The following DDX1 variants were observed in gnomAD, a reference collection of about 807,000 sequenced individuals.
The protein encoded by DDX1 is DEAD-box helicase 1.
A neutral mutation model predicts 108.7 loss-of-function variants in DDX1; 28 were observed. The ratio of observed to expected loss-of-function variants is 0.26; its 90% CI spans 0.19 to 0.35. DDX1 has a LOEUF of 0.35. Ranked by LOEUF, DDX1 falls within the 10% of genes least tolerant of loss-of-function variation. The pLI is 1.00. For missense variants in DDX1, 710 were observed against 884.5 expected (o/e 0.80, Z 2.50); for synonymous variants, 295 against 288.9 (o/e 1.02, Z -0.21).
In DDX1 at chr2:15,596,775, A is replaced by G. The variant is rs760184637; in HGVS notation, c.162+12A>G. On this transcript the variant is annotated intron_variant, in intron 4 of 25. Coordinates refer to ENST00000233084, the MANE Select transcript of DDX1 (RefSeq NM_004939.3). ...GTGGCAAAACTGGTGTAAGTAATAA[A>G]TTATATTTACTTTCTCTCTAAAAGT... The G allele has an allele frequency of 6.3e-7, 1 of 1,597,864 alleles. No homozygotes were observed. Among genetic ancestry groups the G allele is most frequent in the Non-Finnish European group, 8.6e-7 (1 of 1,167,370 alleles).
intron 20 of DDX1, chr2:15,627,427 A>G (rs1171897586): frequency 3.8e-6 from 1 of 265,562 alleles, no homozygotes; most frequent in Non-Finnish European, 7.2e-6. Flanking sequence ...GAGAAGTATC[A>G]TTGGATAGTT....
chr2:15,599,633 A>G (rs1665556893), intron 5 of DDX1, 36 bp from the exon 6 acceptor site: 1 of 1,544,428 alleles, frequency 6.5e-7, no homozygotes. Context: ...AATTTTATAT[A>G]TCTGTGGGTA....
chr2:15,604,633 AT>A, intron 10 of DDX1, 124 bp downstream of exon 10: 1 of 662,168 alleles, frequency 1.5e-6, no homozygotes, highest in East Asian at 2.7e-5. Context: ...ACTTGAACTA[AT>A]ATTTATTGAG....
rs1272479434 is a variant in DDX1, at chr2:15,627,048, C to T, written c.1595-6C>T. On this transcript the variant is annotated splice_polypyrimidine_tract_variant and splice_region_variant and intron_variant, in intron 19 of 25. Transcript: ENST00000233084. ...AAGGTTAAATGCTTAATGTGCTTTT[C>T]ACTAGGACCTGATAAAAAAGGACAC... 2 of 1,595,742 alleles carry T rather than the reference C, an allele frequency of 1.3e-6. No homozygotes were observed. Among genetic ancestry groups the T allele is most frequent in the African/African-American group, 2.7e-5 (2 of 74,232 alleles).
chr2:15,628,564 A>T, intron 21 of DDX1, 47 bp downstream of exon 21: 1 of 1,597,172 alleles, frequency 6.3e-7, no homozygotes, highest in Non-Finnish European at 8.6e-7. Flanking sequence ...TACGGAATCT[A>T]AAGTAAAGCC....
chr2:15,610,858 A>G (rs1440005641), intron 13 of DDX1, among the ~76,000 whole-genome samples: 1 of 88,558 alleles, frequency 1.1e-5, no homozygotes, highest in Admixed American at 1.1e-4. Flanking sequence ...CCTTCCCCAG[A>G]CTTGTTTTTT....
chr2:15,625,719 A>T (rs532254365), intron 19 of DDX1, among the ~76,000 whole-genome samples: 234 of 152,284 alleles, frequency 1.5e-3, no homozygotes, highest in African/African-American at 5.4e-3. Flanking sequence ...AAATTGGCAG[A>T]TATAGAAGGT....
rs200469006 is a variant in DDX1, at chr2:15,597,485, A to C, written c.259+14A>C. On this transcript the variant is annotated intron_variant, in intron 5 of 25. Transcript: ENST00000233084. ...CTGGTGCTTCAGGTAATTTTTGTAA[A>C]TTGATATTTCCTTTTATATAAATCA... is the stretch of plus-strand genomic sequence containing the variant. 1 of 1,508,274 alleles carries C rather than the reference A, an allele frequency of 6.6e-7. No homozygotes were observed. The highest frequency in any genetic ancestry group is 2.3e-5 in the East Asian group (1 of 44,040). 93.4% of individuals were successfully genotyped at this position (1,508,274 alleles called of 1,614,324 possible).
At chr2:15,599,855 A>AC in intron 6 of DDX1, 139 bp downstream of exon 6, 3 of 591,018 alleles carry the variant, frequency 5.1e-6, no homozygotes, top group East Asian at 3.0e-5. Context: ...ACAGTATAGA[A>AC]CTGACATAGG....
intron 17 of DDX1, 138 bp from the exon 18 acceptor site, chr2:15,620,927 T>C: frequency 1.8e-6 from 1 of 543,796 alleles, no homozygotes. Flanking sequence ...TGATTTTGCC[T>C]ACAGATTATA....
At chr2:15,624,475 C>T in intron 19 of DDX1, among the ~76,000 whole-genome samples, 1 of 152,118 alleles carries the variant, frequency 6.6e-6, no homozygotes, top group East Asian at 1.9e-4. Context: ...GCTGGGGAAG[C>T]AAACACGTCC....
intron 13 of DDX1, among the ~76,000 whole-genome samples, chr2:15,612,524 T>C (rs1404734931): frequency 2.8e-5 from 4 of 143,726 alleles, no homozygotes; most frequent in South Asian, 2.3e-4. Context: ...CTTTCCAGAC[T>C]GGGCAGCCAG....
At chr2:15,602,807 G>A (rs1390316089) in intron 7 of DDX1, among the ~76,000 whole-genome samples, 176 bp downstream of exon 7, 11 of 152,110 alleles carry the variant, frequency 7.2e-5, no homozygotes, top group African/African-American at 1.9e-4. Context: ...TCCACCTCCC[G>A]GGTTCAAGCA....
In DDX1 at chr2:15,629,540, A is replaced by G; in HGVS notation, c.1876-62A>G. Reference sequence around the variant, plus strand: ...GAAAACAATTAAAAACAAATTTAGAATAAGATATTTAGCATGTCTCTATCT... The same window carrying G: ...GAAAACAATTAAAAACAAATTTAGAGTAAGATATTTAGCATGTCTCTATCT... On this transcript the variant is annotated intron_variant, in intron 23 of 25. Coordinates refer to ENST00000233084, the MANE Select transcript of DDX1 (RefSeq NM_004939.3). 3.3e-6 allele frequency: 4 copies of G among 1,220,264 alleles called. No homozygotes were observed. The South Asian group carries it at 4.3e-5, about 13-fold the overall frequency. 75.6% of individuals were successfully genotyped at this position (1,220,264 alleles called of 1,614,324 possible). A position where few individuals can be genotyped will look rare whatever the true frequency, so the allele number is the denominator to read the frequency against.
At position 15,613,292 on chromosome 2, in the gene DDX1, G is replaced by A; in HGVS notation, c.1017+8G>A. The A allele has an allele frequency of 6.3e-7, 1 of 1,594,360 alleles. No individual in the cohort carries two copies. On this transcript the variant is annotated splice_region_variant and intron_variant, in intron 14 of 25. Transcript: ENST00000233084. ...TCTGTTTTGGAAAATGGAGTAAGTT[G>A]TAGTTTTAATTTTTAAAACATAATG...
Position 15,597,181 on chromosome 2 carries a change from G to A in DDX1, c.163-194G>A, listed in dbSNP as rs888266234. Among the ~76,000 whole-genome samples the A allele has an allele frequency of 5.3e-5, 8 of 152,090 alleles. No individual in the cohort carries two copies. In the South Asian group the frequency reaches 6.2e-4, roughly 12 times the overall value. On this transcript the variant is annotated intron_variant, in intron 4 of 25. Transcript: ENST00000233084. Reference sequence around the variant, plus strand: ...TCTATCTTTTTGTGATGTTAGCTGCGTCCTATTTCCTTCATTCAGTCCACT... The same window carrying A: ...TCTATCTTTTTGTGATGTTAGCTGCATCCTATTTCCTTCATTCAGTCCACT...
intron 18 of DDX1, among the ~76,000 whole-genome samples, chr2:15,623,126 T>A (rs1441936457): frequency 6.6e-6 from 1 of 152,182 alleles, no homozygotes; most frequent in Non-Finnish European, 1.5e-5. Context: ...AGTTTTGCTG[T>A]ATGTATTTCT....
At chr2:15,623,642 C>G in intron 19 of DDX1, 60 bp downstream of exon 19, 1 of 1,426,234 alleles carries the variant, frequency 7.0e-7, no homozygotes, top group Admixed American at 1.7e-5. Flanking sequence ...GATTATTAAT[C>G]TCATGTTGAT....
At chr2:15,598,957 T>C (rs575798060) in intron 5 of DDX1, among the ~76,000 whole-genome samples, 8 of 152,200 alleles carry the variant, frequency 5.3e-5, no homozygotes, top group Non-Finnish European at 1.2e-4. Context: ...AGTTACAAGA[T>C]AATTAGACTC....
Sources: allele counts gnomAD v4.1 joint callset (sites outside exome capture counted in the v4.1 genomes callset), GRCh38; gene constraint gnomAD v4.1.1; transcripts MANE v1.5; gene names NCBI Gene and HGNC (gene_info 2026-07-23, HGNC 2026-07-21).